ACSM4: variants seen among roughly 807,000 people sequenced by gnomAD.
ACSM4 encodes the protein acyl-CoA synthetase medium chain family member 4, also known as acyl-coenzyme A synthetase ACSM4, mitochondrial.
In ACSM4, 66 loss-of-function variants were observed where a neutral mutation model predicts 73.0. That is an observed-to-expected ratio of 0.90 (90% CI 0.74 to 1.11). ACSM4 has a LOEUF of 1.11. ACSM4 is among the 50% of genes least tolerant of loss of function. The pLI, the probability that ACSM4 is intolerant of heterozygous loss-of-function variation, is 0.00. For synonymous variants in ACSM4, 222 were observed against 254.0 expected (o/e 0.87, Z 1.20); for missense variants, 645 against 714.4 (o/e 0.90, Z 1.11).
chr12:7,306,484 A>G (rs1219870801), intron 1 of ACSM4, 49 bp from the exon 2 acceptor site: 1 of 1,506,008 alleles, frequency 6.6e-7, no homozygotes, highest in Admixed American at 2.0e-5. Context: ...ATGTAAGAGT[A>G]ATCAGTCATG....
At chr12:7,306,404 G>A in intron 1 of ACSM4, 129 bp from the exon 2 acceptor site, 1 of 843,156 alleles carries the variant, frequency 1.2e-6, no homozygotes, top group East Asian at 2.7e-5. Context: ...TTCCCTCAAA[G>A]ACGAACTCAG....
intron 1 of ACSM4, among the ~76,000 whole-genome samples, chr12:7,305,704 T>C (rs181220317): frequency 7.9e-5 from 12 of 152,092 alleles, no homozygotes; most frequent in Non-Finnish European, 1.3e-4. Flanking sequence ...AGCACAACGA[T>C]GAAGGAACAC....
intron 3 of ACSM4, among the ~76,000 whole-genome samples, chr12:7,311,973 G>A (rs1000234356): frequency 6.6e-6 from 1 of 152,222 alleles, no homozygotes; most frequent in Non-Finnish European, 1.5e-5. Flanking sequence ...TTACAGGCAT[G>A]AGCCACTATG....
intron 1 of ACSM4, 32 bp from the exon 2 acceptor site, chr12:7,306,501 T>A: frequency 6.5e-7 from 1 of 1,544,404 alleles, no homozygotes; most frequent in Non-Finnish European, 8.8e-7. Flanking sequence ...CATGTAAACC[T>A]ACCCCTCTCT....
At chr12:7,313,163 G>A (rs1946400770) in intron 3 of ACSM4, among the ~76,000 whole-genome samples, 1 of 152,154 alleles carries the variant, frequency 6.6e-6, no homozygotes, top group African/African-American at 2.4e-5. Flanking sequence ...CCACTTCAGA[G>A]ACTCCTGTCC....
At chr12:7,317,326 T>C in intron 4 of ACSM4, 46 bp downstream of exon 4, 2 of 1,512,604 alleles carry the variant, frequency 1.3e-6, no homozygotes, top group Non-Finnish European at 1.8e-6. Context: ...CCCCCAAAGC[T>C]GCGAATATGC....
rs1483539277 is a variant in ACSM4, at chr12:7,306,589, G to A, written c.258G>A (p.Glu86=). The part of the protein sequence containing the change: ...ALWWVNGKGD[E]VKWSFRELGS... The stretch of plus-strand genomic sequence containing the variant: ...GGTGGGTGAATGGCAAAGGGGATGA[G>A]GTAAAATGGAGCTTCAGAGAACTGG... The change falls in exon 2 of 13, where the codon GAG becomes GAA. Residue 86 remains glutamate, a synonymous_variant. Coordinates refer to ENST00000399422, the MANE Select transcript of ACSM4 (RefSeq NM_001080454.2). The A allele has an allele frequency of 6.2e-7, 1 of 1,602,286 alleles. No homozygotes were observed. Among genetic ancestry groups the A allele is most frequent in the African/African-American group, 1.3e-5 (1 of 74,682 alleles).
chr12:7,326,371 A>C (rs1946505901), intron 11 of ACSM4, among the ~76,000 whole-genome samples: 1 of 152,038 alleles, frequency 6.6e-6, no homozygotes, highest in Non-Finnish European at 1.5e-5. Flanking sequence ...CACCCTGGTT[A>C]ATTTTCTTTT....
intron 11 of ACSM4, among the ~76,000 whole-genome samples, chr12:7,325,110 C>T (rs1591847276): frequency 1.3e-5 from 2 of 152,336 alleles, no homozygotes; most frequent in Non-Finnish European, 2.9e-5. Flanking sequence ...CCTTAGATCA[C>T]ATCTCTAACC....
At chr12:7,319,976 T>C (rs1175105569) in intron 5 of ACSM4, among the ~76,000 whole-genome samples, 1 of 152,246 alleles carries the variant, frequency 6.6e-6, no homozygotes, top group East Asian at 1.9e-4. Flanking sequence ...GCGGAGCAGA[T>C]ACACATGGTA....
At chr12:7,318,258 C>T (rs1946436117) in intron 5 of ACSM4, 76 bp downstream of exon 5, 1 of 1,552,080 alleles carries the variant, frequency 6.4e-7, no homozygotes, top group African/African-American at 1.4e-5. Context: ...GAAATTATTC[C>T]TTAGAATACA....
intron 3 of ACSM4, among the ~76,000 whole-genome samples, chr12:7,315,307 G>A (rs1946414686): frequency 6.6e-6 from 1 of 151,906 alleles, no homozygotes; most frequent in African/African-American, 2.4e-5. Flanking sequence ...TTCAACCAGA[G>A]AAATTAAAAA....
intron 3 of ACSM4, among the ~76,000 whole-genome samples, chr12:7,311,927 G>C (rs541784822): frequency 2.3e-4 from 35 of 152,200 alleles, no homozygotes; most frequent in Non-Finnish European, 4.6e-4. Flanking sequence ...TGACCTCAAA[G>C]TGATCCGCCA....
At chr12:7,323,365 C>T in intron 8 of ACSM4, 51 bp downstream of exon 8, 1 of 1,596,282 alleles carries the variant, frequency 6.3e-7, no homozygotes, top group Non-Finnish European at 8.6e-7. Context: ...AGAACGTTTT[C>T]CTTTTCTGCT....
intron 11 of ACSM4, among the ~76,000 whole-genome samples, chr12:7,325,982 C>A (rs1946501120): frequency 6.6e-6 from 1 of 152,148 alleles, no homozygotes; most frequent in African/African-American, 2.4e-5. Context: ...TTTCTTCCTG[C>A]CACCATGTTC....
chr12:7,323,634 A>G (rs892550139), intron 9 of ACSM4, 74 bp downstream of exon 9: 9 of 1,351,300 alleles, frequency 6.7e-6, no homozygotes, highest in East Asian at 2.3e-5. Context: ...GTGTCTTGCT[A>G]TGTAATCTTG....
chr12:7,324,280 C>A lies in ACSM4; in HGVS notation c.1316C>A (p.Pro439Gln). The A allele has an allele frequency of 6.2e-7, 1 of 1,612,248 alleles. No individual in the cohort carries two copies. The highest frequency in any genetic ancestry group is 8.5e-7 in the Non-Finnish European group (1 of 1,179,442). ...GTCATCCTTGGTTCCCAGGACAATC[C>A]ACAGAAAACTGCTGCCACGATAAGA... Reference protein sequence around the residue: ...FCFFSKYVDNPQKTAATIRGD... With the variant: ...FCFFSKYVDNQQKTAATIRGD... Residue 439 changes from proline (P) to glutamine (Q), a missense_variant, in exon 10 of 13, where the codon CCA becomes CAA. Physicochemically the swap from Pro to Gln is moderately conservative, Grantham distance 76. Coordinates refer to ENST00000399422, the MANE Select transcript of ACSM4 (RefSeq NM_001080454.2).
intron 5 of ACSM4, among the ~76,000 whole-genome samples, chr12:7,319,947 C>G (rs1221771259): frequency 1.3e-5 from 2 of 152,172 alleles, no homozygotes; most frequent in African/African-American, 4.8e-5. Flanking sequence ...ATTACACTTT[C>G]TAAAAATAAT....
rs1946363705 is a variant in ACSM4, at chr12:7,306,634, T to C, written c.303T>C (p.Ala101=). The change falls in exon 2 of 13, where the codon GCT becomes GCC. Residue 101 remains alanine (A), a synonymous_variant. Coordinates refer to ENST00000399422, the MANE Select transcript of ACSM4 (RefSeq NM_001080454.2). Reference sequence around the variant, plus strand: ...AACTGGGCTCCTTGTCCCGAAAAGCTGCCAACGTGCTCACCAAGCCCTGTG... The same window carrying C: ...AACTGGGCTCCTTGTCCCGAAAAGCCGCCAACGTGCTCACCAAGCCCTGTG... ...FRELGSLSRK[A]ANVLTKPCGL... 1 of 1,607,522 alleles carries C rather than the reference T, an allele frequency of 6.2e-7. No individual in the cohort carries two copies. Among genetic ancestry groups the C allele is most frequent in the Non-Finnish European group, 8.5e-7 (1 of 1,177,072 alleles).
Sources: gnomAD v4.1 joint callset for allele counts (sites outside exome capture counted in the v4.1 genomes callset) on GRCh38, gnomAD v4.1.1 for gene constraint, MANE v1.5 for transcripts, NCBI Gene and HGNC (gene_info 2026-07-23, HGNC 2026-07-21) for gene names.